Variants in ZNF292 observed in about 807,000 individuals in gnomAD.
The protein encoded by ZNF292 is 16 zinc-finger domain protein.
Under a neutral mutation model 217.9 loss-of-function variants are expected in ZNF292, and 26 were observed. The ratio of observed to expected loss-of-function variants is 0.12; its 90% CI spans 0.09 to 0.17. The LOEUF (loss-of-function observed/expected upper bound fraction) is 0.17. Ranked by LOEUF, ZNF292 falls within the 10% of genes least tolerant of loss-of-function variation. The pLI, the probability that ZNF292 is intolerant of heterozygous loss-of-function variation, is 1.00. For synonymous variants in ZNF292, 1,257 were observed against 1,124.1 expected (o/e 1.12, Z -2.37); for missense variants, 2,904 against 3,175.2 (o/e 0.91, Z 2.05).
rs1031100251 is a variant in ZNF292 at position 87,256,251 on chromosome 6, A to T, written c.2622A>T (p.Ser874=). 2.5e-6 allele frequency: 4 copies of T among 1,613,918 alleles called. No homozygotes were observed. The highest frequency in any genetic ancestry group is 3.4e-6 in the Non-Finnish European group (4 of 1,179,822). Residue 874 remains serine, a synonymous_variant, in exon 8 of 8, where the codon TCA becomes TCT. Coordinates refer to ENST00000369577, the MANE Select transcript of ZNF292 (RefSeq NM_015021.3). The stretch of plus-strand genomic sequence containing the variant: ...AGAAAGAAAGATCTATGCTTCCTTC[A>T]GAAAATAACATTGAAAACAGCTTAC... ...NIEKERSMLP[S]ENNIENSLLA...
intron 1 of ZNF292, among the ~76,000 whole-genome samples, chr6:87,168,411 A>G (rs139212401): frequency 6.6e-6 from 1 of 152,370 alleles, no homozygotes; most frequent in African/African-American, 2.4e-5. Flanking sequence ...AAATGTCTTC[A>G]TGTGGAACAT....
At chr6:87,212,227 G>A (rs932050707) in intron 1 of ZNF292, among the ~76,000 whole-genome samples, 3 of 152,232 alleles carry the variant, frequency 2.0e-5, no homozygotes, top group Admixed American at 6.5e-5. Flanking sequence ...ACCAGAGCCT[G>A]TCTCTGTGGA....
At chr6:87,178,284 A>G (rs767000594) in intron 1 of ZNF292, among the ~76,000 whole-genome samples, 2 of 152,186 alleles carry the variant, frequency 1.3e-5, no homozygotes, top group Non-Finnish European at 2.9e-5. Flanking sequence ...TAGTTTGCTG[A>G]ATTGTAAGTA....
Position 87,256,675 on chromosome 6 carries a change from C to T in ZNF292, c.3046C>T (p.Leu1016Phe), listed in dbSNP as rs1179299118. Residue 1016 changes from leucine (L) to phenylalanine (F), a missense_variant, in exon 8 of 8, where the codon CTT (leucine) becomes TTT (phenylalanine). Transcript: ENST00000369577. ...TTCAGAAACTCTCAAAATAGGTGAC[C>T]TTACCCCACAAAACTTAGAAAGACA... is the stretch of plus-strand genomic sequence containing the variant. ...VNSETLKIGD[L>F]TPQNLERQVN... The T allele has an allele frequency of 1.8e-5, 29 of 1,613,396 alleles. No homozygotes were observed. Among genetic ancestry groups the T allele is most frequent in the Non-Finnish European group, 2.2e-5 (26 of 1,179,808 alleles).
intron 1 of ZNF292, among the ~76,000 whole-genome samples, chr6:87,194,626 A>G (rs1013474152): frequency 1.3e-5 from 2 of 152,272 alleles, no homozygotes; most frequent in South Asian, 2.1e-4. Flanking sequence ...CTGAAATTGA[A>G]TCAAGAAAAG....
rs1770806884 is a variant in ZNF292 at position 87,163,114 on chromosome 6, C to T, written c.168+7355C>T. On this transcript the variant is annotated intron_variant, in intron 1 of 7. Coordinates refer to ENST00000369577, the MANE Select transcript of ZNF292 (RefSeq NM_015021.3). ...ACATTAAAAAAAGAAAGACTAAAGT[C>T]TCTAAGTATATATGTTCAGCTAAGA... Among the ~76,000 whole-genome samples the T allele has an allele frequency of 1.3e-5, 2 of 152,260 alleles. 1 individual carries two copies. The highest frequency in any genetic ancestry group is 1.3e-4 in the Admixed American group (2 of 15,290).
At chr6:87,185,630 A>G (rs922516753) in intron 1 of ZNF292, among the ~76,000 whole-genome samples, 4 of 151,848 alleles carry the variant, frequency 2.6e-5, no homozygotes, top group Non-Finnish European at 5.9e-5. Flanking sequence ...ATCACACCCA[A>G]CTAATTTCTT....
intron 1 of ZNF292, among the ~76,000 whole-genome samples, chr6:87,180,279 T>C (rs1157778115): frequency 6.6e-6 from 1 of 152,264 alleles, no homozygotes; most frequent in Non-Finnish European, 1.5e-5. Context: ...ATTTCTTCTT[T>C]ATGTGATGTT....
At chr6:87,249,690 G>A (rs527272827) in intron 7 of ZNF292, among the ~76,000 whole-genome samples, 1 of 152,012 alleles carries the variant, frequency 6.6e-6, no homozygotes, top group South Asian at 2.1e-4. Context: ...CCTCGATGTA[G>A]TGATTTGAAT....
chr6:87,167,762 A>G (rs773321018), intron 1 of ZNF292, among the ~76,000 whole-genome samples: 2 of 152,214 alleles, frequency 1.3e-5, no homozygotes, highest in Non-Finnish European at 2.9e-5. Context: ...TGTCAGATAT[A>G]TTTTACTGCT....
intron 6 of ZNF292, among the ~76,000 whole-genome samples, chr6:87,244,622 T>C (rs1238333209): frequency 6.6e-6 from 1 of 152,086 alleles, no homozygotes; most frequent in Non-Finnish European, 1.5e-5. Context: ...GGCAAAGAAG[T>C]AGTAGTACAG....
intron 5 of ZNF292, among the ~76,000 whole-genome samples, chr6:87,240,676 TC>T (rs1264971666): frequency 2.0e-5 from 3 of 152,056 alleles, no homozygotes; most frequent in Non-Finnish European, 4.4e-5. Flanking sequence ...CCCATTGGCT[TC>T]CCAAAGTGCT....
chr6:87,252,457 C>G (rs1008475123), intron 7 of ZNF292, among the ~76,000 whole-genome samples: 1 of 152,118 alleles, frequency 6.6e-6, no homozygotes, highest in South Asian at 2.1e-4. Flanking sequence ...CCAGGCCTCT[C>G]TTAATCCTTT....
At chr6:87,227,166 A>G (rs963367584) in intron 4 of ZNF292, among the ~76,000 whole-genome samples, 3 of 152,218 alleles carry the variant, frequency 2.0e-5, no homozygotes, top group African/African-American at 7.2e-5. Context: ...TCTTCAGGAA[A>G]GGGTAAGAGG....
intron 1 of ZNF292, among the ~76,000 whole-genome samples, chr6:87,164,672 C>T (rs1770856002): frequency 1.3e-5 from 2 of 152,050 alleles, no homozygotes; most frequent in African/African-American, 2.4e-5. Context: ...AAAAGTCATT[C>T]GCATTCCTGC....
intron 1 of ZNF292, among the ~76,000 whole-genome samples, chr6:87,160,817 T>C (rs1232839158): frequency 6.6e-6 from 1 of 152,160 alleles, no homozygotes; most frequent in Non-Finnish European, 1.5e-5. Flanking sequence ...GATGTTGCTA[T>C]GACTAGGGAT....
intron 1 of ZNF292, among the ~76,000 whole-genome samples, chr6:87,200,708 G>C (rs898367901): frequency 6.6e-6 from 1 of 152,208 alleles, no homozygotes; most frequent in African/African-American, 2.4e-5. Flanking sequence ...ATGCTACAAA[G>C]AGAGTAGGCC....
At position 87,262,012 on chromosome 6, in the gene ZNF292, G is replaced by T. The variant is rs1320090071; in HGVS notation, c.*211G>T. 2.8e-6 allele frequency: 1 copy of T among 355,862 alleles called. No homozygotes were observed. Among genetic ancestry groups the T allele is most frequent in the Non-Finnish European group, 5.0e-6 (1 of 198,430 alleles). The allele number at this position is 355,862 out of a possible 1,614,324, so 22.0% of individuals were successfully genotyped here. On this transcript the variant is annotated 3_prime_UTR_variant, in exon 8 of 8. Coordinates refer to ENST00000369577, the MANE Select transcript of ZNF292 (RefSeq NM_015021.3). The stretch of plus-strand genomic sequence containing the variant: ...CTTGAGGAACAGAATCAGTACTTCA[G>T]TTATTGTAAATAGTGAGCTAAACCT...
intron 4 of ZNF292, 98 bp from the exon 5 acceptor site, chr6:87,233,221 AAAGCAT>A (rs1289627620): frequency 2.4e-6 from 2 of 842,042 alleles, no homozygotes; most frequent in African/African-American, 3.5e-5. Context: ...AAATTGAAAA[AAAGCAT>A]TTTAGTTCCC....
Sources: allele counts gnomAD v4.1 joint callset (sites outside exome capture counted in the v4.1 genomes callset), GRCh38; gene constraint gnomAD v4.1.1; transcripts MANE v1.5; gene names NCBI Gene and HGNC (gene_info 2026-07-23, HGNC 2026-07-21).